TMEM255B: variants seen among roughly 807,000 people sequenced by gnomAD.
TMEM255B encodes the protein family with sequence similarity 70, member B.
TMEM255B carries 35 observed loss-of-function variants against 34.5 expected under a neutral mutation model. The observed-to-expected ratio is 1.01, with a 90% CI of 0.77 to 1.34. The LOEUF (loss-of-function observed/expected upper bound fraction) is 1.34. Among genes scored for constraint, TMEM255B ranks in the 40% most tolerant of loss-of-function variants. The pLI, the probability that TMEM255B is intolerant of heterozygous loss-of-function variation, is 0.00. For missense variants in TMEM255B, 432 were observed against 433.2 expected, an observed-to-expected ratio of 1.00 and a Z score of 0.02; for synonymous variants, 206 against 201.2, an observed-to-expected ratio of 1.02 and a Z score of -0.20.
chr13:113,780,839 C>A (rs1307422705), intron 3 of TMEM255B, among the ~76,000 whole-genome samples: 1 of 152,158 alleles, frequency 6.6e-6, no homozygotes, highest in Non-Finnish European at 1.5e-5. Context: ...ACACAATTGA[C>A]AAGGAAATCT....
At chr13:113,781,006 A>G (rs1057126430) in intron 3 of TMEM255B, among the ~76,000 whole-genome samples, 7 of 152,206 alleles carry the variant, frequency 4.6e-5, no homozygotes, top group African/African-American at 1.4e-4. Context: ...GCCAAACACC[A>G]TTGCATATTT....
In TMEM255B at chr13:113,759,232, G is replaced by A; in HGVS notation, c.-38G>A. On this transcript the variant is annotated 5_prime_UTR_variant, in exon 1 of 9. In the 5' UTR this introduces an upstream ATG that the reference lacks. Transcript: ENST00000375353. ...GAGGGCGGCTCCTGGCGGCGGGACT[G>A]TGGCTGTGGCCCCGGGAGAGCCGGG... 4 of 1,226,694 alleles carry A rather than the reference G, an allele frequency of 3.3e-6. No individual in the cohort carries two copies. Among genetic ancestry groups the A allele is most frequent in the Non-Finnish European group, 4.1e-6 (4 of 984,628 alleles). 76.0% of individuals were successfully genotyped at this position (1,226,694 alleles called of 1,614,324 possible). A position where few individuals can be genotyped will look rare whatever the true frequency, so the allele number is the denominator to read the frequency against.
At chr13:113,791,087 G>A (rs1366620525) in intron 3 of TMEM255B, among the ~76,000 whole-genome samples, 1 of 152,232 alleles carries the variant, frequency 6.6e-6, no homozygotes, top group Non-Finnish European at 1.5e-5. Context: ...GTGCTTCTGT[G>A]ATGTTTTGGG....
Position 113,769,281 on chromosome 13 carries a change from G to T in TMEM255B, c.252+121G>T. On this transcript the variant is annotated intron_variant, in intron 3 of 8. Coordinates refer to ENST00000375353, the MANE Select transcript of TMEM255B (RefSeq NM_182614.4). The surrounding 1 kb of genome is among the most constrained non-coding windows in gnomAD (Gnocchi z 4.2). ...CAGCACACTGGTGTCTACAGGACCA[G>T]CTCTGAGGTTCCCGGGCTGTGGCCT... The T allele has an allele frequency of 9.2e-7, 1 of 1,087,964 alleles. No homozygotes were observed. Among genetic ancestry groups the T allele is most frequent in the Non-Finnish European group, 1.4e-6 (1 of 718,806 alleles). 67.4% of individuals were successfully genotyped at this position (1,087,964 alleles called of 1,614,324 possible).
chr13:113,792,209 A>G (rs2050844638), intron 3 of TMEM255B, among the ~76,000 whole-genome samples: 1 of 152,260 alleles, frequency 6.6e-6, no homozygotes, highest in South Asian at 2.1e-4. Flanking sequence ...AATGTAGGAA[A>G]TTTCAGTTAG....
chr13:113,809,783 C>T (rs973112122), intron 8 of TMEM255B, among the ~76,000 whole-genome samples: 2 of 152,102 alleles, frequency 1.3e-5, no homozygotes, highest in African/African-American at 4.8e-5. Flanking sequence ...CTGGGGTTTA[C>T]CCCTTAGTTT....
chr13:113,786,555 A>G (rs61966740), intron 3 of TMEM255B, among the ~76,000 whole-genome samples: 3 of 150,420 alleles, frequency 2.0e-5, no homozygotes, highest in Non-Finnish European at 3.0e-5. Context: ...ACCATCGTCA[A>G]CATCATCACC....
At chr13:113,772,522 G>A (rs939913894) in intron 3 of TMEM255B, among the ~76,000 whole-genome samples, 1 of 152,134 alleles carries the variant, frequency 6.6e-6, no homozygotes, top group African/African-American at 2.4e-5. Flanking sequence ...TATGGTATGA[G>A]GTAGGAGTTA....
At chr13:113,765,908 G>C (rs1046125392) in intron 1 of TMEM255B, among the ~76,000 whole-genome samples, 2 of 152,220 alleles carry the variant, frequency 1.3e-5, no homozygotes, top group Non-Finnish European at 2.9e-5. Flanking sequence ...CAAATACCAG[G>C]CTATCCAGTA....
intron 3 of TMEM255B, among the ~76,000 whole-genome samples, chr13:113,774,709 TACAC>T (rs1250826129): frequency 1.9e-5 from 2 of 102,666 alleles, no homozygotes; most frequent in East Asian, 6.2e-4. Context: ...CACCACACAA[TACAC>T]ACCACATACA....
intron 2 of TMEM255B, among the ~76,000 whole-genome samples, chr13:113,766,853 G>A (rs2050401052): frequency 6.6e-6 from 1 of 152,234 alleles, no homozygotes; most frequent in South Asian, 2.1e-4. Context: ...GTAAGGCGGC[G>A]AGGTAAATTG....
At chr13:113,761,096 G>A (rs916610073) in intron 1 of TMEM255B, 3 of 775,626 alleles carry the variant, frequency 3.9e-6, no homozygotes, top group Admixed American at 6.2e-5. Flanking sequence ...AGGAATTGAC[G>A]GCTGAGTGAT....
rs1566341868 is a variant in TMEM255B, at chr13:113,812,925, G to GGCCCCGTGTGAGTCACA, written c.*1023_*1024insCCCCGTGTGAGTCACAG. 2 of 109,032 alleles carry GGCCCCGTGTGAGTCACA rather than the reference G, an allele frequency of 1.8e-5. No homozygotes were observed. Among genetic ancestry groups the GGCCCCGTGTGAGTCACA allele is most frequent in the African/African-American group, 9.0e-5 (2 of 22,252 alleles). The allele number at this position is 109,032 out of a possible 1,614,324, so 6.8% of individuals were successfully genotyped here. ...GAGTCACAGGCCCCGGGTGAGTCAC[G>GGCCCCGTGTGAGTCACA]GGTCCCGGGTGGGTCACGGGTCCCG... On this transcript the variant is annotated 3_prime_UTR_variant, in exon 9 of 9. Coordinates refer to ENST00000375353, the MANE Select transcript of TMEM255B (RefSeq NM_182614.4).
Position 113,801,760 on chromosome 13 carries a change from G to C in TMEM255B, c.617G>C (p.Gly206Ala), listed in dbSNP as rs2051068630. The change falls in exon 7 of 9, where the codon GGC becomes GCC. Residue 206 changes from glycine to alanine, a missense_variant. Physicochemically the swap from Gly to Ala is moderately conservative, Grantham distance 60. Coordinates refer to ENST00000375353, the MANE Select transcript of TMEM255B (RefSeq NM_182614.4). ...GCCTCTGCAGTTCTGAACGTCCTGG[G>C]CCTGTTCCTGGGCATCATCACCGCC... ...LWASAVLNVLGLFLGIITAAV... is the reference protein window; with the variant it reads ...LWASAVLNVLALFLGIITAAV... 1 of 1,612,710 alleles carries C rather than the reference G, an allele frequency of 6.2e-7. No individual in the cohort carries two copies. The highest frequency in any genetic ancestry group is 1.3e-5 in the African/African-American group (1 of 74,910).
At chr13:113,774,606 C>CCACATAT (rs1566724145) in intron 3 of TMEM255B, among the ~76,000 whole-genome samples, 20 of 147,164 alleles carry the variant, frequency 1.4e-4, no homozygotes, top group Non-Finnish European at 2.7e-4. Flanking sequence ...AAATGACACA[C>CCACATAT]ACCACACAAT....
Position 113,815,461 on chromosome 13 carries a change from A to G in TMEM255B, c.*3558A>G, listed in dbSNP as rs7400290. 32,479 of 146,648 alleles carry G rather than the reference A, an allele frequency of 0.22. 4,361 individuals are homozygous for G. The highest frequency in any genetic ancestry group is 0.46 in the South Asian group (2,162 of 4,666). 9.1% of individuals were successfully genotyped at this position (146,648 alleles called of 1,614,324 possible). A position where few individuals can be genotyped will look rare whatever the true frequency, so the allele number is the denominator to read the frequency against. On this transcript the variant is annotated 3_prime_UTR_variant, in exon 9 of 9. Coordinates refer to ENST00000375353, the MANE Select transcript of TMEM255B (RefSeq NM_182614.4). ...CCACCCAAATCTCAACTTGAATTGT[A>G]TTTCCCAGAATTCCTGCGCGTTGTG...
chr13:113,774,198 C>T (rs1472631566), intron 3 of TMEM255B, among the ~76,000 whole-genome samples: 1 of 151,886 alleles, frequency 6.6e-6, no homozygotes. Flanking sequence ...AAAGATTTCA[C>T]TCTGTTCACT....
intron 4 of TMEM255B, among the ~76,000 whole-genome samples, chr13:113,798,125 A>T (rs931166883): frequency 6.6e-6 from 1 of 152,026 alleles, no homozygotes; most frequent in Non-Finnish European, 1.5e-5. Context: ...GAATGGATGG[A>T]TGGGTGGATG....
intron 3 of TMEM255B, among the ~76,000 whole-genome samples, chr13:113,775,530 C>T (rs975971099): frequency 6.6e-6 from 1 of 152,268 alleles, no homozygotes; most frequent in Non-Finnish European, 1.5e-5. Flanking sequence ...CTGTGAGCTG[C>T]CCAGGGCAAG....
Sources: gnomAD v4.1 joint callset for allele counts (sites outside exome capture counted in the v4.1 genomes callset) on GRCh38, gnomAD v4.1.1 for gene constraint, Gnocchi (gnomAD v3.1) non-coding constraint, MANE v1.5 for transcripts, NCBI Gene and HGNC (gene_info 2026-07-23, HGNC 2026-07-21) for gene names.